ULK2: variants seen among roughly 807,000 people sequenced by gnomAD.
The protein encoded by ULK2 is unc-51 like autophagy activating kinase 2.
In ULK2, 76 loss-of-function variants were observed where a neutral mutation model predicts 127.5. The observed-to-expected ratio is 0.60, with a 90% CI of 0.50 to 0.72. The LOEUF (loss-of-function observed/expected upper bound fraction) is 0.72. Among genes scored for constraint, ULK2 ranks in the 30% least tolerant of loss-of-function variants. The pLI, the probability that ULK2 is intolerant of heterozygous loss-of-function variation, is 0.00. For synonymous variants in ULK2, 452 were observed against 461.9 expected, an observed-to-expected ratio of 0.98 and a Z score of 0.28; for missense variants, 1,144 against 1,295.9, an observed-to-expected ratio of 0.88 and a Z score of 1.80.
At chr17:19,811,520 C>T (rs1433753159) in intron 13 of ULK2, among the ~76,000 whole-genome samples, 1 of 152,008 alleles carries the variant, frequency 6.6e-6, no homozygotes, top group Non-Finnish European at 1.5e-5. Context: ...CGGCTCACTG[C>T]AACCTCTGCC....
At chr17:19,827,433 C>T (rs2041322019) in intron 10 of ULK2, among the ~76,000 whole-genome samples, 1 of 152,128 alleles carries the variant, frequency 6.6e-6, no homozygotes, top group South Asian at 2.1e-4. Context: ...CATTAGCAAA[C>T]CAAAATCCTG....
chr17:19,814,439 T>TATATATATATACACACATATATA (rs1491246393), intron 13 of ULK2, among the ~76,000 whole-genome samples: 43 of 9,976 alleles, frequency 4.3e-3, no homozygotes, highest in African/African-American at 8.7e-3. Context: ...TATATATATA[T>TATATATATATACACACATATATA]TTTTTTTTTT....
intron 3 of ULK2, among the ~76,000 whole-genome samples, chr17:19,864,037 T>C (rs1383413941): frequency 1.3e-5 from 2 of 152,220 alleles, no homozygotes; most frequent in Admixed American, 6.5e-5. Flanking sequence ...CCATGTGTGG[T>C]GGCTCACATC....
Position 19,797,640 on chromosome 17 carries a change from G to T in ULK2, c.1565C>A (p.Ser522Ter). ...GGGGGCGCTCTGCAGTCTAGCACCCGATAAGAGAGACTGTGGGGACTGAGC... is the reference window on the plus strand; with the variant it reads ...GGGGGCGCTCTGCAGTCTAGCACCCTATAAGAGAGACTGTGGGGACTGAGC... ...PQAQSPQSLL[S>*]GARLQSAPTL... Residue 522 changes from serine (S) to a stop codon, truncating the protein, a stop_gained, in exon 18 of 27, where the codon TCG (serine) becomes TAG (stop). Transcript: ENST00000395544. LOFTEE classifies it high-confidence loss of function. 6.3e-7 allele frequency: 1 copy of T among 1,592,770 alleles called. No individual in the cohort carries two copies.
chr17:19,863,566 A>C (rs1409427322), intron 3 of ULK2, among the ~76,000 whole-genome samples: 1 of 150,390 alleles, frequency 6.6e-6, no homozygotes, highest in Non-Finnish European at 1.5e-5. Context: ...TGGCAGGATC[A>C]CAGCTCACTG....
At chr17:19,795,783 G>A in intron 19 of ULK2, 58 bp from the exon 20 acceptor site, 1 of 1,488,990 alleles carries the variant, frequency 6.7e-7, no homozygotes, top group Non-Finnish European at 9.3e-7. Context: ...AAACTAGAAG[G>A]GTTAATAGGA....
At position 19,797,555 on chromosome 17, in the gene ULK2, C is replaced by A. The variant is rs1025389322; in HGVS notation, c.1650G>T (p.Val550=). 2.5e-6 allele frequency: 4 copies of A among 1,613,882 alleles called. No homozygotes were observed. The highest frequency in any genetic ancestry group is 3.4e-6 in the Non-Finnish European group (4 of 1,180,018). The change falls in exon 18 of 27, where the codon GTG becomes GTT. Residue 550 remains valine, a synonymous_variant. Transcript: ENST00000395544. Reference sequence around the variant, plus strand: ...ACCCAGCCCCAGTATGGGATGGGCACACGGGGTCAGAGTGCTGTTTTCTGA... The same window carrying A: ...ACCCAGCCCCAGTATGGGATGGGCAAACGGGGTCAGAGTGCTGTTTTCTGA... ...QKLRKQHSDP[V]CPSHTGAGYS... is the part of the protein sequence containing the mutation.
chr17:19,791,906 A>G (rs899258246), intron 20 of ULK2, among the ~76,000 whole-genome samples: 5 of 151,828 alleles, frequency 3.3e-5, no homozygotes, highest in African/African-American at 1.2e-4. Flanking sequence ...CTACCATGAA[A>G]TAAAACTAGA....
intron 1 of ULK2, among the ~76,000 whole-genome samples, 165 bp downstream of exon 1, chr17:19,867,163 A>C (rs2042369249): frequency 6.6e-6 from 1 of 151,696 alleles, no homozygotes; most frequent in Admixed American, 6.6e-5. Context: ...CCTCACAACA[A>C]CCCTCACAGG....
Position 19,836,131 on chromosome 17 carries a change from C to A in ULK2, c.787+2370G>T, listed in dbSNP as rs557642225. On this transcript the variant is annotated intron_variant, in intron 10 of 26. Coordinates refer to ENST00000395544, the MANE Select transcript of ULK2 (RefSeq NM_014683.4). ...AAAAAAAAAAAAAACAAAAATTAGG[C>A]CGGGCATGGTGGCTCACGCTTGTAA... Among the ~76,000 whole-genome samples the A allele has an allele frequency of 2.0e-5, 3 of 151,482 alleles. No homozygotes were observed. In the East Asian group the frequency reaches 5.8e-4, roughly 29 times the overall value.
At chr17:19,781,338 C>A (rs1476561275) in intron 23 of ULK2, among the ~76,000 whole-genome samples, 3 of 149,426 alleles carry the variant, frequency 2.0e-5, no homozygotes, top group Non-Finnish European at 3.0e-5. Context: ...ACTTCCTGGG[C>A]TCAAGGGATC....
In ULK2 at chr17:19,799,693, TTAAG is replaced by T. The variant is rs1372944582; in HGVS notation, c.1442-122_1442-119del. The T allele has an allele frequency of 4.2e-6, 4 of 948,798 alleles. No homozygotes were observed. The African/African-American group carries it at 6.7e-5, about 16-fold the overall frequency. The allele number at this position is 948,798 out of a possible 1,614,324, so 58.8% of individuals were successfully genotyped here. ...ACAGTAAACTACTGGTTAGAAAATT[TTAAG>T]TAACAAACGTTTAGTTCAACTAACA... On this transcript the variant is annotated intron_variant, in intron 16 of 26. Transcript: ENST00000395544.
At chr17:19,813,082 T>C (rs529859847) in intron 13 of ULK2, among the ~76,000 whole-genome samples, 3 of 152,200 alleles carry the variant, frequency 2.0e-5, no homozygotes, top group Non-Finnish European at 4.4e-5. Flanking sequence ...CCATACTTCT[T>C]CCCCCATTTT....
At chr17:19,803,531 C>G (rs958859350) in intron 15 of ULK2, among the ~76,000 whole-genome samples, 1 of 152,082 alleles carries the variant, frequency 6.6e-6, no homozygotes, top group Non-Finnish European at 1.5e-5. Flanking sequence ...TAGTTTTGAC[C>G]TCATGGACCC....
chr17:19,784,456 C>T (rs1275242711), intron 21 of ULK2, among the ~76,000 whole-genome samples: 3 of 148,128 alleles, frequency 2.0e-5, no homozygotes, highest in Non-Finnish European at 3.0e-5. Context: ...TACTCTCTAA[C>T]GCAGCCCTGA....
chr17:19,809,732 C>CGAAAA lies in ULK2; in HGVS notation c.1157+645_1157+646insTTTTC, dbSNP rs750626905. Among the ~76,000 whole-genome samples, 10 of 90,498 alleles carry CGAAAA rather than the reference C, an allele frequency of 1.1e-4. 1 individual carries two copies. Among genetic ancestry groups the CGAAAA allele is most frequent in the Admixed American group, 1.4e-4 (1 of 7,340 alleles). 59.4% of individuals were successfully genotyped at this position (90,498 alleles called of 152,430 possible). On this transcript the variant is annotated intron_variant, in intron 14 of 26. Coordinates refer to ENST00000395544, the MANE Select transcript of ULK2 (RefSeq NM_014683.4). ...TGGGTGACAGGACGAGACTCCGTCTCAAAAAAAAAAAAAAAAAAAAAAATT... is the reference window on the plus strand; with the variant it reads ...TGGGTGACAGGACGAGACTCCGTCTCGAAAAAAAAAAAAAAAAAAAAAAAAAAATT...
At chr17:19,862,376 T>C (rs1477141122) in intron 3 of ULK2, among the ~76,000 whole-genome samples, 1 of 152,180 alleles carries the variant, frequency 6.6e-6, no homozygotes, top group Non-Finnish European at 1.5e-5. Context: ...ATTACAGGCA[T>C]GAGCCATCGC....
chr17:19,841,383 T>G (rs1390114535), intron 9 of ULK2, 106 bp downstream of exon 9: 4 of 1,138,612 alleles, frequency 3.5e-6, no homozygotes, highest in Non-Finnish European at 4.9e-6. Flanking sequence ...TTTCACATTA[T>G]CAACTGAAAA....
At chr17:19,803,063 C>A (rs937921719) in intron 15 of ULK2, among the ~76,000 whole-genome samples, 7 of 152,166 alleles carry the variant, frequency 4.6e-5, no homozygotes, top group Non-Finnish European at 1.0e-4. Flanking sequence ...CTTAAAAGCT[C>A]AAGTTTTATC....
Sources: allele counts gnomAD v4.1 joint callset (sites outside exome capture counted in the v4.1 genomes callset), GRCh38; gene constraint gnomAD v4.1.1; transcripts MANE v1.5; gene names NCBI Gene and HGNC (gene_info 2026-07-23, HGNC 2026-07-21).